The following DCC variants were observed in gnomAD, a reference collection of about 807,000 sequenced individuals.
DCC encodes the protein netrin receptor DCC.
Under a neutral mutation model 172.5 loss-of-function variants are expected in DCC, and 58 were observed. The ratio of observed to expected loss-of-function variants is 0.34; its 90% CI spans 0.27 to 0.42. The LOEUF (loss-of-function observed/expected upper bound fraction) is 0.42, where lower values mean the gene tolerates loss of function less well. Among genes scored for constraint, DCC ranks in the 10% least tolerant of loss-of-function variants. The pLI is 1.00. For synonymous variants in DCC, 709 were observed against 644.5 expected (o/e 1.10, Z -1.52); for missense variants, 1,740 against 1,791.0 (o/e 0.97, Z 0.51).
chr18:52,831,176 T>C (rs1263295279), intron 2 of DCC, among the ~76,000 whole-genome samples: 1 of 152,110 alleles, frequency 6.6e-6, no homozygotes, highest in African/African-American at 2.4e-5. Flanking sequence ...CTCCAAGGCA[T>C]AAACATGACG....
chr18:52,353,016 T>G (rs1211019773), intron 1 of DCC, among the ~76,000 whole-genome samples: 1 of 152,162 alleles, frequency 6.6e-6, no homozygotes, highest in African/African-American at 2.4e-5. Flanking sequence ...TTCTTCACAA[T>G]TGTAAGTAAT....
chr18:53,395,528 A>G (rs1908874011), intron 17 of DCC, among the ~76,000 whole-genome samples: 1 of 152,234 alleles, frequency 6.6e-6, no homozygotes, highest in South Asian at 2.1e-4. Flanking sequence ...TGGAAGTAAT[A>G]TATCTGCATG....
intron 14 of DCC, among the ~76,000 whole-genome samples, chr18:53,332,564 T>C (rs1353167369): frequency 6.6e-6 from 1 of 152,062 alleles, no homozygotes; most frequent in Non-Finnish European, 1.5e-5. Context: ...ATAAAACCTA[T>C]ATGGTTTGAA....
chr18:52,504,549 A>G (rs2031159621), intron 1 of DCC, among the ~76,000 whole-genome samples: 1 of 152,134 alleles, frequency 6.6e-6, no homozygotes, highest in South Asian at 2.1e-4. Flanking sequence ...GTCTTTCCTT[A>G]GAGTCATATT....
At chr18:52,748,248 C>T (rs960213462) in intron 1 of DCC, among the ~76,000 whole-genome samples, 1 of 152,198 alleles carries the variant, frequency 6.6e-6, no homozygotes, top group East Asian at 1.9e-4. Flanking sequence ...CAAATTCTGC[C>T]TTCGATGCTG....
chr18:53,248,785 AATC>A (rs1385770742), intron 12 of DCC, among the ~76,000 whole-genome samples: 5 of 152,062 alleles, frequency 3.3e-5, no homozygotes, highest in Non-Finnish European at 1.5e-5. Flanking sequence ...AAGAAAGTAA[AATC>A]ATCTATTCCC....
chr18:52,798,588 A>C (rs1229803497), intron 2 of DCC, among the ~76,000 whole-genome samples: 1 of 152,172 alleles, frequency 6.6e-6, no homozygotes, highest in Admixed American at 6.5e-5. Flanking sequence ...AGTTGAAAGG[A>C]AGCTACTCTA....
At position 52,868,073 on chromosome 18, in the gene DCC, GTGTGTATATA is replaced by G. The variant is rs1176866611; in HGVS notation, c.413-37965_413-37956del. 5.6e-4 allele frequency among the ~76,000 whole-genome samples: 73 copies of G among 129,374 alleles called. 1 individual carries two copies. In the South Asian group the frequency reaches 0.017, roughly 30 times the overall value. The allele number at this position is 129,374 out of a possible 152,430, so 84.9% of individuals were successfully genotyped here. On this transcript the variant is annotated intron_variant, in intron 2 of 28. Coordinates refer to ENST00000442544, the MANE Select transcript of DCC (RefSeq NM_005215.4). ...TATATATGTGTGTGTGTGTGTGTGT[GTGTGTATATA>G]TGTGTGTATATATATATGTGTATAT...
At chr18:53,217,872 T>C (rs554064980) in intron 12 of DCC, among the ~76,000 whole-genome samples, 1 of 152,090 alleles carries the variant, frequency 6.6e-6, no homozygotes, top group East Asian at 1.9e-4. Flanking sequence ...AGAGACAAGG[T>C]CTTTCTTTGT....
intron 5 of DCC, among the ~76,000 whole-genome samples, chr18:53,003,686 G>T (rs2041600984): frequency 6.6e-6 from 1 of 151,576 alleles, no homozygotes; most frequent in Admixed American, 6.6e-5. Context: ...TTTAGGTAGG[G>T]AGGAAAAGGA....
intron 1 of DCC, among the ~76,000 whole-genome samples, chr18:52,437,205 G>A (rs1987824269): frequency 6.6e-6 from 1 of 152,164 alleles, no homozygotes; most frequent in African/African-American, 2.4e-5. Context: ...GCCAAATGGG[G>A]AAGACATCTC....
chr18:53,066,027 T>A lies in DCC; in HGVS notation c.1141-19T>A, dbSNP rs1054676302. On this transcript the variant is annotated intron_variant, in intron 6 of 28. Coordinates refer to ENST00000442544, the MANE Select transcript of DCC (RefSeq NM_005215.4). ...TTTTTGCTTTCTAAAATACTTTACC[T>A]GCTTTTTCTTTTCCCTAGGGAGGAA... The A allele has an allele frequency of 1.9e-6, 3 of 1,612,140 alleles. No individual in the cohort carries two copies. The highest frequency in any genetic ancestry group is 1.7e-6 in the Non-Finnish European group (2 of 1,178,766).
intron 1 of DCC, among the ~76,000 whole-genome samples, chr18:52,719,270 C>T (rs1287184469): frequency 1.3e-5 from 2 of 152,060 alleles, no homozygotes; most frequent in Non-Finnish European, 2.9e-5. Flanking sequence ...GTCTGAGGTT[C>T]CAGGAGGATA....
intron 24 of DCC, among the ~76,000 whole-genome samples, chr18:53,460,056 GAAAA>G (rs55871112): frequency 2.6e-5 from 2 of 75,986 alleles, no homozygotes; most frequent in Non-Finnish European, 5.1e-5. Context: ...AAAGGGATCT[GAAAA>G]AAAAAAAAAA....
At chr18:53,355,894 G>T (rs555152647) in intron 15 of DCC, among the ~76,000 whole-genome samples, 1 of 151,860 alleles carries the variant, frequency 6.6e-6, no homozygotes, top group South Asian at 2.1e-4. Context: ...TTTATATACT[G>T]GTATAGTTTT....
At chr18:53,141,825 C>T (rs2043834865) in intron 7 of DCC, among the ~76,000 whole-genome samples, 1 of 152,130 alleles carries the variant, frequency 6.6e-6, no homozygotes, top group Non-Finnish European at 1.5e-5. Context: ...ATTGTATTGT[C>T]CTGGTTATGA....
intron 7 of DCC, among the ~76,000 whole-genome samples, chr18:53,079,158 C>A (rs1034887541): frequency 6.6e-6 from 1 of 152,096 alleles, no homozygotes; most frequent in Non-Finnish European, 1.5e-5. Context: ...ATTTCATATT[C>A]CTCCCTTGCC....
chr18:53,391,664 A>G lies in DCC; in HGVS notation c.2465A>G (p.Asp822Gly). 1 of 1,612,846 alleles carries G rather than the reference A, an allele frequency of 6.2e-7. No homozygotes were observed. The highest frequency in any genetic ancestry group is 8.5e-7 in the Non-Finnish European group (1 of 1,178,912). Residue 822 changes from aspartate (D) to glycine (G), a missense_variant, in exon 17 of 29, where the codon GAC becomes GGC. By Grantham distance (94) the Asp-to-Gly change is moderately conservative. Around this residue, in one of 2 missense-constraint regions of DCC, gnomAD observed 1,732 missense variants for 1,767.4 expected, o/e 0.98. Transcript: ENST00000442544. ...ATTRSITDPT[D>G]PVDYYPLLDD... The stretch of plus-strand genomic sequence containing the variant: ...GGGTTTTTAAACCCAGATCCCACTG[A>G]CCCAGTTGATTATTATCCTTTGCTT...
chr18:52,697,178 A>G (rs1244776845), intron 1 of DCC, among the ~76,000 whole-genome samples: 2 of 152,230 alleles, frequency 1.3e-5, no homozygotes, highest in South Asian at 2.1e-4. Flanking sequence ...TATTCTTTTA[A>G]GATCCTCCTC....
Sources: allele counts gnomAD v4.1 joint callset (sites outside exome capture counted in the v4.1 genomes callset), GRCh38; gene constraint gnomAD v4.1.1; regional missense constraint gnomAD v4.1.1; transcripts MANE v1.5; gene names NCBI Gene and HGNC (gene_info 2026-07-23, HGNC 2026-07-21).